HDGFL3: variants seen among roughly 807,000 people sequenced by gnomAD.
HDGFL3 encodes the protein hepatoma-derived growth factor-related protein 3.
A neutral mutation model predicts 27.6 loss-of-function variants in HDGFL3; 6 were observed. That is an observed-to-expected ratio of 0.22 (90% CI 0.12 to 0.43). HDGFL3 has a LOEUF of 0.43. Among genes scored for constraint, HDGFL3 ranks in the 20% least tolerant of loss-of-function variants. The pLI is 1.00. For missense variants in HDGFL3, 207 were observed against 250.1 expected (o/e 0.83, Z 1.16); for synonymous variants, 88 against 88.9 (o/e 0.99, Z 0.05).
chr15:83,189,312 C>A (rs1567176378), intron 1 of HDGFL3: 2 of 152,084 alleles, frequency 1.3e-5, no homozygotes, highest in Non-Finnish European at 2.9e-5. Flanking sequence ...AAACTCTAAA[C>A]TTGTTACTAA....
At chr15:83,127,390 C>T, downstream of HDGFL3, 1 of 1,613,910 alleles carries the variant, frequency 6.2e-7, no homozygotes, top group Non-Finnish European at 8.5e-7. Flanking sequence ...CTGTTCCTTA[C>T]TTTGTGACTG....
At chr15:83,142,108 A>T (rs952898181) in intron 5 of HDGFL3, among the ~76,000 whole-genome samples, 3 of 152,206 alleles carry the variant, frequency 2.0e-5, no homozygotes, top group African/African-American at 7.2e-5. Flanking sequence ...GGAAATCAGT[A>T]GGGCAATTCC....
rs564306913 is a variant in HDGFL3, at chr15:83,207,682, C to CCCG, written c.-271_-269dup. On this transcript the variant is annotated 5_prime_UTR_variant, in exon 1 of 6. Coordinates refer to ENST00000299633, the MANE Select transcript of HDGFL3 (RefSeq NM_016073.4). The surrounding 1 kb of genome is among the most constrained non-coding windows in gnomAD (Gnocchi z 4.8). Reference sequence around the variant, plus strand: ...GCCCGCGTCCGGCCGCGCCAAGGTCCCCGCCGCCGCCGCCGCCGCCGCCGC... The same window carrying CCCG: ...GCCCGCGTCCGGCCGCGCCAAGGTCCCCGCCGCCGCCGCCGCCGCCGCCGCCGC... 33,528 of 152,010 alleles carry CCCG rather than the reference C, an allele frequency of 0.22. 3,779 individuals are homozygous for CCCG. Among genetic ancestry groups the CCCG allele is most frequent in the African/African-American group, 0.24 (9,577 of 40,256 alleles). 9.4% of individuals were successfully genotyped at this position (152,010 alleles called of 1,614,324 possible). A position where few individuals can be genotyped will look rare whatever the true frequency, so the allele number is the denominator to read the frequency against.
intron 1 of HDGFL3, among the ~76,000 whole-genome samples, chr15:83,164,367 C>CAAAAAAAAAAAAAAAAAAAAAA (rs869303457): frequency 2.5e-3 from 96 of 38,390 alleles, no homozygotes; most frequent in Non-Finnish European, 3.3e-3. Context: ...TTAGAGTAAC[C>CAAAAAAAAAAAAAAAAAAAAAA]AAAAAAAAAA....
At chr15:83,193,463 C>T (rs1166480103) in intron 1 of HDGFL3, among the ~76,000 whole-genome samples, 1 of 152,104 alleles carries the variant, frequency 6.6e-6, no homozygotes, top group African/African-American at 2.4e-5. Context: ...AATTGGAACC[C>T]TTGTGCATTG....
chr15:83,203,554 C>T (rs1318099771), intron 1 of HDGFL3, among the ~76,000 whole-genome samples: 1 of 151,910 alleles, frequency 6.6e-6, no homozygotes, highest in African/African-American at 2.4e-5. Flanking sequence ...TGCAAGCAAA[C>T]AACAAGGTAA....
intron 4 of HDGFL3, 90 bp downstream of exon 4, chr15:83,157,325 T>C (rs769749553): frequency 7.8e-7 from 1 of 1,278,938 alleles, no homozygotes; most frequent in Non-Finnish European, 1.1e-6. Context: ...AGTATATTTC[T>C]ATGTACCCAA....
chr15:83,183,451 T>C (rs2037403350), intron 1 of HDGFL3, among the ~76,000 whole-genome samples: 1 of 152,108 alleles, frequency 6.6e-6, no homozygotes, highest in South Asian at 2.1e-4. Context: ...AACAAGAACC[T>C]TGTCTGATTG....
At chr15:83,164,178 A>C in intron 1 of HDGFL3, 103 bp from the exon 2 acceptor site, 1 of 767,928 alleles carries the variant, frequency 1.3e-6, no homozygotes, top group Non-Finnish European at 2.1e-6. Context: ...ATCAATCAAA[A>C]CTCAGATAGT....
intron 2 of HDGFL3, among the ~76,000 whole-genome samples, chr15:83,159,279 T>G (rs940681525): frequency 2.0e-5 from 3 of 152,178 alleles, no homozygotes; most frequent in African/African-American, 7.2e-5. Flanking sequence ...AAAAAAGAAG[T>G]TAGAACAAAT....
chr15:83,175,205 C>CT lies in HDGFL3; in HGVS notation c.85-11131dup, dbSNP rs373646068. ...CTTATTTATATGGCTTGCTTAGCCC[C>CT]TTTGAGTATTTGAGTTTGTACCCCC... On this transcript the variant is annotated intron_variant, in intron 1 of 5. Transcript: ENST00000299633. Among the ~76,000 whole-genome samples, 540 of 152,242 alleles carry CT rather than the reference C, an allele frequency of 3.5e-3. 1 individual carries two copies. The highest frequency in any genetic ancestry group is 0.012 in the African/African-American group (500 of 41,548).
In HDGFL3 at chr15:83,136,400, G is replaced by A. The variant is rs569176678; in HGVS notation, c.*2870C>T. On this transcript the variant is annotated 3_prime_UTR_variant, in exon 6 of 6. Coordinates refer to ENST00000299633, the MANE Select transcript of HDGFL3 (RefSeq NM_016073.4). ...TTTTGAGGGCACAGAAACGTAGCCT[G>A]AATGAACCATTCAGAACTCATCATG... 7.8e-7 allele frequency: 1 copy of A among 1,273,942 alleles called. No homozygotes were observed. The highest frequency in any genetic ancestry group is 1.5e-5 in the African/African-American group (1 of 66,670). The allele number at this position is 1,273,942 out of a possible 1,614,324, so 78.9% of individuals were successfully genotyped here.
intron 3 of HDGFL3, chr15:83,122,605 AT>A (rs1164505750): frequency 1.3e-6 from 1 of 755,930 alleles, no homozygotes; most frequent in African/African-American, 1.8e-5. Context: ...CACATCTAGT[AT>A]TTTAAATTGA....
chr15:83,119,844 C>T (rs1210161597), intron 3 of HDGFL3: 2 of 1,102,342 alleles, frequency 1.8e-6, no homozygotes, highest in African/African-American at 3.1e-5. Flanking sequence ...CCTTGTACCA[C>T]TGCCTTTTGA....
chr15:83,174,236 T>G (rs570375825), intron 1 of HDGFL3, among the ~76,000 whole-genome samples: 1 of 152,142 alleles, frequency 6.6e-6, no homozygotes, highest in Non-Finnish European at 1.5e-5. Flanking sequence ...CTACTTTAAT[T>G]ATTGTCATAC....
intron 5 of HDGFL3, 143 bp downstream of exon 5, chr15:83,151,072 A>T: frequency 1.5e-6 from 1 of 648,836 alleles, no homozygotes; most frequent in Non-Finnish European, 2.5e-6. Flanking sequence ...ATTATATTAA[A>T]GGGCTGAGTG....
rs377157481 is a variant in HDGFL3 at position 83,119,585 on chromosome 15, C to T, written c.394-3844G>A. The T allele has an allele frequency of 2.2e-5, 35 of 1,613,898 alleles. No homozygotes were observed. The East Asian group carries it at 2.2e-4, about 10-fold the overall frequency. On this transcript the variant is annotated intron_variant, in intron 3 of 3. Transcript: ENST00000568294. ...TTTTAATGCTTTCTTTAGGGTGAAC[C>T]GTATCTGAACACCGCATATGGGCAC...
chr15:83,157,722 A>G, intron 3 of HDGFL3, 149 bp from the exon 4 acceptor site: 1 of 976,850 alleles, frequency 1.0e-6, no homozygotes, highest in Non-Finnish European at 1.5e-6. Context: ...GAATTTTCCA[A>G]TGGACACTTG....
chr15:83,198,492 T>G (rs1349949189), intron 1 of HDGFL3, among the ~76,000 whole-genome samples: 1 of 152,170 alleles, frequency 6.6e-6, no homozygotes, highest in African/African-American at 2.4e-5. Flanking sequence ...AAGTACAACT[T>G]GAAAATTTTT....
Sources: gnomAD v4.1 joint callset for allele counts (sites outside exome capture counted in the v4.1 genomes callset) on GRCh38, gnomAD v4.1.1 for gene constraint, Gnocchi (gnomAD v3.1) non-coding constraint, MANE v1.5 for transcripts, NCBI Gene and HGNC (gene_info 2026-07-23, HGNC 2026-07-21) for gene names.